NEDD4L: variants seen among roughly 807,000 people sequenced by gnomAD.
The protein encoded by NEDD4L is E3 ubiquitin-protein ligase NEDD4-like.
A neutral mutation model predicts 148.9 loss-of-function variants in NEDD4L; 54 were observed. The ratio of observed to expected loss-of-function variants is 0.36; its 90% confidence interval spans 0.29 to 0.45. NEDD4L has a LOEUF of 0.45. Ranked by LOEUF, NEDD4L falls within the 20% of genes least tolerant of loss-of-function variation. The pLI is 1.00. For synonymous variants in NEDD4L, 433 were observed against 440.7 expected, an observed-to-expected ratio of 0.98 and a Z score of 0.22; for missense variants, 856 against 1,233.8, an observed-to-expected ratio of 0.69 and a Z score of 4.59.
chr18:58,261,001 A>G (rs996466966), intron 5 of NEDD4L, among the ~76,000 whole-genome samples: 3 of 152,222 alleles, frequency 2.0e-5, no homozygotes, highest in Non-Finnish European at 2.9e-5. Context: ...TGATTCGTGA[A>G]CCAGGTATCT....
chr18:58,308,757 G>A (rs1490187958), intron 5 of NEDD4L, among the ~76,000 whole-genome samples: 14 of 152,272 alleles, frequency 9.2e-5, no homozygotes, highest in African/African-American at 2.2e-4. Context: ...TTCCTCCACC[G>A]TCCTCCACTT....
In NEDD4L at chr18:58,256,742, A is replaced by G. The variant is rs992036826; in HGVS notation, c.297+4688A>G. 6 of 1,231,950 alleles carry G rather than the reference A, an allele frequency of 4.9e-6. No homozygotes were observed. In the African/African-American group the frequency reaches 9.3e-5, roughly 19 times the overall value. The allele number at this position is 1,231,950 out of a possible 1,614,324, so 76.3% of individuals were successfully genotyped here. A position where few individuals can be genotyped will look rare whatever the true frequency, so the allele number is the denominator to read the frequency against. On this transcript the variant is annotated intron_variant, in intron 5 of 30. Coordinates refer to ENST00000400345, the MANE Select transcript of NEDD4L (RefSeq NM_001144967.3). This position sits in a 1 kb window ranked among gnomAD's most constrained non-coding sequence, Gnocchi z 5.2. ...CCAGAATCCCGAGGAGAAAAGCGCC[A>G]AAAGCCCTGTTTCCACGGGAGCTGA...
intron 5 of NEDD4L, among the ~76,000 whole-genome samples, chr18:58,287,601 G>T (rs746710191): frequency 6.6e-6 from 1 of 152,162 alleles, no homozygotes; most frequent in Non-Finnish European, 1.5e-5. Flanking sequence ...GTGTTCTTGG[G>T]CCATCTGAAA....
intron 1 of NEDD4L, among the ~76,000 whole-genome samples, chr18:58,071,651 T>G (rs1341605497): frequency 6.6e-6 from 1 of 152,212 alleles, no homozygotes; most frequent in Non-Finnish European, 1.5e-5. Context: ...AGTTGTGTGT[T>G]TGTTCTCATG....
At chr18:58,272,090 C>T (rs906260665) in intron 5 of NEDD4L, among the ~76,000 whole-genome samples, 1 of 152,054 alleles carries the variant, frequency 6.6e-6, no homozygotes, top group Non-Finnish European at 1.5e-5. Context: ...AATTTTTCCA[C>T]GTTAGACTTT....
intron 1 of NEDD4L, among the ~76,000 whole-genome samples, chr18:58,075,239 C>T (rs1201111236): frequency 6.6e-6 from 1 of 152,150 alleles, no homozygotes; most frequent in Non-Finnish European, 1.5e-5. Context: ...GCCTTCGCCT[C>T]CTGGATGTTC....
chr18:58,267,559 A>G (rs1600461563), intron 5 of NEDD4L, among the ~76,000 whole-genome samples: 1 of 151,762 alleles, frequency 6.6e-6, no homozygotes, highest in East Asian at 1.9e-4. Context: ...ACACCCTTTG[A>G]TTTCTCCGAA....
At chr18:58,343,778 A>G (rs189546758) in intron 16 of NEDD4L, among the ~76,000 whole-genome samples, 283 of 152,330 alleles carry the variant, frequency 1.9e-3, no homozygotes, top group Non-Finnish European at 2.8e-3. Flanking sequence ...GCAAATATGC[A>G]TATCTTTGTA....
At chr18:58,269,632 C>T (rs2050738270) in intron 5 of NEDD4L, among the ~76,000 whole-genome samples, 1 of 152,070 alleles carries the variant, frequency 6.6e-6, no homozygotes, top group African/African-American at 2.4e-5. Context: ...GAGAGGAGGG[C>T]ATAGTACCCA....
intron 1 of NEDD4L, among the ~76,000 whole-genome samples, chr18:58,105,250 C>T (rs914138041): frequency 2.0e-5 from 3 of 152,158 alleles, no homozygotes; most frequent in African/African-American, 7.2e-5. Context: ...CCCAGAAACG[C>T]ATAATGGGCT....
chr18:58,172,744 T>C (rs1222518907), intron 2 of NEDD4L, among the ~76,000 whole-genome samples: 1 of 152,150 alleles, frequency 6.6e-6, no homozygotes, highest in African/African-American at 2.4e-5. Context: ...GGGATTTCCA[T>C]TTGATAGGTA....
chr18:58,056,509 C>G (rs927582322), intron 1 of NEDD4L, among the ~76,000 whole-genome samples: 1 of 152,176 alleles, frequency 6.6e-6, no homozygotes, highest in Non-Finnish European at 1.5e-5. Context: ...TCTGCTTTCC[C>G]TTCTACAGCC....
At chr18:58,105,126 T>C (rs2084989698) in intron 1 of NEDD4L, among the ~76,000 whole-genome samples, 1 of 152,108 alleles carries the variant, frequency 6.6e-6, no homozygotes, top group Non-Finnish European at 1.5e-5. Context: ...GTTTGTGGGA[T>C]TGGCTAGCAG....
intron 2 of NEDD4L, among the ~76,000 whole-genome samples, chr18:58,199,518 C>T (rs1319309906): frequency 3.9e-5 from 6 of 152,162 alleles, no homozygotes; most frequent in African/African-American, 4.8e-5. Context: ...CGGTGGCTCA[C>T]GCTTGTAATC....
chr18:58,175,646 T>C (rs992139649), intron 2 of NEDD4L, among the ~76,000 whole-genome samples: 1 of 152,246 alleles, frequency 6.6e-6, no homozygotes, highest in African/African-American at 2.4e-5. Context: ...ACCAAATAGC[T>C]TGTGCAATTA....
intron 2 of NEDD4L, among the ~76,000 whole-genome samples, chr18:58,187,473 A>G (rs1289660385): frequency 1.3e-5 from 2 of 152,214 alleles, no homozygotes; most frequent in African/African-American, 4.8e-5. Context: ...CAGAAGAGCA[A>G]TAAAGAAAAA....
In NEDD4L at chr18:58,385,598, T is replaced by C; in HGVS notation, c.2487+12T>C. 4 of 1,611,562 alleles carry C rather than the reference T, an allele frequency of 2.5e-6. No homozygotes were observed. The South Asian group carries it at 4.4e-5, about 18-fold the overall frequency. On this transcript the variant is annotated intron_variant, in intron 26 of 30. Coordinates refer to ENST00000400345, the MANE Select transcript of NEDD4L (RefSeq NM_001144967.3). ...ACGCCTTCTTGGAGGTAAGCCATGC[T>C]GGCCAGGGTTCTCTGCCATGTGCCT...
At chr18:58,115,495 CAAGAT>C (rs372082077) in intron 1 of NEDD4L, among the ~76,000 whole-genome samples, 154 of 152,246 alleles carry the variant, frequency 1.0e-3, no homozygotes, top group African/African-American at 3.6e-3. Flanking sequence ...GGAGTCCTCT[CAAGAT>C]GAGTTTAAAT....
intron 5 of NEDD4L, among the ~76,000 whole-genome samples, chr18:58,289,817 A>G (rs1376045220): frequency 6.6e-6 from 1 of 152,246 alleles, no homozygotes; most frequent in Non-Finnish European, 1.5e-5. Flanking sequence ...TATATGCACA[A>G]ATTGTAAATA....
Sources: gnomAD v4.1 joint callset for allele counts (sites outside exome capture counted in the v4.1 genomes callset) on GRCh38, gnomAD v4.1.1 for gene constraint, Gnocchi (gnomAD v3.1) non-coding constraint, MANE v1.5 for transcripts, NCBI Gene and HGNC (gene_info 2026-07-23, HGNC 2026-07-21) for gene names.